Variants in CIB2 observed in about 807,000 individuals in gnomAD.
CIB2 encodes the protein calcium and integrin binding family member 2.
A neutral mutation model predicts 23.1 loss-of-function variants in CIB2; 19 were observed. The ratio of observed to expected loss-of-function variants is 0.82; its 90% CI spans 0.57 to 1.21. The LOEUF (loss-of-function observed/expected upper bound fraction) is 1.21, where lower values mean the gene tolerates loss of function less well. Among genes scored for constraint, CIB2 ranks in the 50% most tolerant of loss-of-function variants. The pLI, the probability that CIB2 is intolerant of heterozygous loss-of-function variation, is 0.00. For synonymous variants in CIB2, 94 were observed against 91.7 expected, an observed-to-expected ratio of 1.03 and a Z score of -0.14; for missense variants, 220 against 241.5, an observed-to-expected ratio of 0.91 and a Z score of 0.59.
In CIB2 at chr15:78,105,231, TG is replaced by T; in HGVS notation, c.*79del. 2 of 1,593,194 alleles carry T rather than the reference TG, an allele frequency of 1.3e-6. No homozygotes were observed. Among genetic ancestry groups the T allele is most frequent in the Middle Eastern group, 1.7e-4 (1 of 5,980 alleles). On this transcript the variant is annotated 3_prime_UTR_variant, in exon 6 of 6. Coordinates refer to ENST00000258930, the MANE Select transcript of CIB2 (RefSeq NM_006383.4). ...ACCCCAGAGGCTGCCACTGCTTTCCTGGGGAGCTTGGAGGCCACACCCATGT... is the reference window on the plus strand; with the variant it reads ...ACCCCAGAGGCTGCCACTGCTTTCCTGGGAGCTTGGAGGCCACACCCATGT...
chr15:78,109,360 A>G lies in CIB2; in HGVS notation c.221T>C (p.Ile74Thr). 6.2e-7 allele frequency: 1 copy of G among 1,613,806 alleles called. No individual in the cohort carries two copies. The highest frequency in any genetic ancestry group is 8.5e-7 in the Non-Finnish European group (1 of 1,179,968). Residue 74 changes from isoleucine to threonine, a missense_variant, in exon 4 of 6, where the codon ATC (isoleucine) becomes ACC (threonine). Transcript: ENST00000258930. The stretch of plus-strand genomic sequence containing the variant: ...ACCATCCTCGGAAAACGCCGCCACG[A>G]TCCTTTCTTTGAAGGGATTCTCCTG... ...ELRENPFKER[I>T]VAAFSEDGEG...
chr15:78,118,598 A>AG (rs1333722209), intron 2 of CIB2, among the ~76,000 whole-genome samples: 1 of 152,028 alleles, frequency 6.6e-6, no homozygotes, highest in East Asian at 1.9e-4. Context: ...CAAAAAAAAA[A>AG]AAAAAAAAAT....
intron 1 of CIB2, among the ~76,000 whole-genome samples, chr15:78,124,124 C>T (rs1258078669): frequency 1.3e-5 from 2 of 152,032 alleles, no homozygotes; most frequent in Non-Finnish European, 2.9e-5. Flanking sequence ...ACCCACAGGG[C>T]CACCTCGTGT....
rs949209990 is a variant in CIB2, at chr15:78,113,635, A to G, written c.87-2359T>C. On this transcript the variant is annotated intron_variant, in intron 2 of 5. Coordinates refer to ENST00000258930, the MANE Select transcript of CIB2 (RefSeq NM_006383.4). ...AAGCTCCGCCTCCCGGGTTCAGGCC[A>G]TTCTCCTGCCTCAGCCTCCTGAGTA... Among the ~76,000 whole-genome samples, 3 of 151,368 alleles carry G rather than the reference A, an allele frequency of 2.0e-5. No homozygotes were observed. The East Asian group carries it at 5.8e-4, about 29-fold the overall frequency.
chr15:78,127,577 C>A (rs1479155208), intron 1 of CIB2, among the ~76,000 whole-genome samples: 1 of 152,192 alleles, frequency 6.6e-6, no homozygotes, highest in Non-Finnish European at 1.5e-5. Flanking sequence ...GCCCTCTCCT[C>A]TTTCTCCAGG....
chr15:78,109,878 G>A (rs2074130403), intron 3 of CIB2, among the ~76,000 whole-genome samples: 1 of 151,276 alleles, frequency 6.6e-6, no homozygotes, highest in Non-Finnish European at 1.5e-5. Context: ...CTCATCTGAA[G>A]CAGAAGCAGA....
chr15:78,129,480 C>T (rs905400353), intron 1 of CIB2, among the ~76,000 whole-genome samples: 4 of 151,978 alleles, frequency 2.6e-5, no homozygotes, highest in Non-Finnish European at 4.4e-5. Flanking sequence ...CCTTTATCCA[C>T]GCTGTCCCCT....
Position 78,110,950 on chromosome 15 carries a change from T to C in CIB2, c.198+215A>G, listed in dbSNP as rs2304829. 0.33 allele frequency among the ~76,000 whole-genome samples: 50,648 copies of C among 152,020 alleles called. 8,735 individuals are homozygous for C. The highest frequency in any genetic ancestry group is 0.43 in the African/African-American group (17,946 of 41,426). ...TGAGCACAAGCCCATGGCCTGCAGTTGGGTGGCCACTGATGTACAGCACCC... is the reference window on the plus strand; with the variant it reads ...TGAGCACAAGCCCATGGCCTGCAGTCGGGTGGCCACTGATGTACAGCACCC... On this transcript the variant is annotated intron_variant, in intron 3 of 5. Transcript: ENST00000258930.
chr15:78,129,451 GC>G (rs1306404097), intron 1 of CIB2, among the ~76,000 whole-genome samples: 1 of 152,090 alleles, frequency 6.6e-6, no homozygotes, highest in Non-Finnish European at 1.5e-5. Context: ...TTGCCTGCTT[GC>G]CCCTGCCCAC....
At chr15:78,112,445 T>C (rs2141893624) in intron 2 of CIB2, among the ~76,000 whole-genome samples, 1 of 152,232 alleles carries the variant, frequency 6.6e-6, no homozygotes, top group Middle Eastern at 3.4e-3. Context: ...GGCTCAGTCA[T>C]AGCTACTTGG....
chr15:78,129,385 A>T (rs184926652), intron 1 of CIB2, among the ~76,000 whole-genome samples: 1 of 152,200 alleles, frequency 6.6e-6, no homozygotes, highest in Non-Finnish European at 1.5e-5. Flanking sequence ...GGCTGGTTGG[A>T]GTGGGAACCT....
At chr15:78,108,235 A>C (rs1335507934) in intron 4 of CIB2, among the ~76,000 whole-genome samples, 1 of 151,804 alleles carries the variant, frequency 6.6e-6, no homozygotes, top group Non-Finnish European at 1.5e-5. Context: ...GAAAAGAAAA[A>C]AGAAAGCAAA....
Position 78,104,903 on chromosome 15 carries a change from A to T in CIB2, c.*408T>A. 1 of 177,684 alleles carries T rather than the reference A, an allele frequency of 5.6e-6. No homozygotes were observed. Among genetic ancestry groups the T allele is most frequent in the Non-Finnish European group, 1.2e-5 (1 of 84,212 alleles). The allele number at this position is 177,684 out of a possible 1,614,324, so 11.0% of individuals were successfully genotyped here. ...GATTGCATAGCTCGTTAAAACCCTG[A>T]CCTCTTTTTTTTTTTTCCGCTCTGT... is the stretch of plus-strand genomic sequence containing the variant. On this transcript the variant is annotated 3_prime_UTR_variant, in exon 6 of 6. Transcript: ENST00000258930. The surrounding 1 kb of genome is among the most constrained non-coding windows in gnomAD (Gnocchi z 4.4).
At chr15:78,121,623 G>A (rs571743375) in intron 2 of CIB2, among the ~76,000 whole-genome samples, 1 of 152,296 alleles carries the variant, frequency 6.6e-6, no homozygotes, top group East Asian at 1.9e-4. Flanking sequence ...TTTATAAGGG[G>A]CTTCTCCCCC....
chr15:78,106,318 T>C (rs756839407), intron 4 of CIB2, among the ~76,000 whole-genome samples: 21 of 152,212 alleles, frequency 1.4e-4, no homozygotes, highest in Non-Finnish European at 2.5e-4. Flanking sequence ...AAAAAGGCCA[T>C]GCGATTGAAT....
intron 2 of CIB2, chr15:78,120,652 T>C (rs2074304981): frequency 2.0e-6 from 2 of 984,316 alleles, no homozygotes; most frequent in Non-Finnish European, 2.4e-6. Flanking sequence ...TGGGGAGCAA[T>C]CGGATCTACC....
In CIB2 at chr15:78,105,191, A is replaced by G; in HGVS notation, c.*120T>C. 2 of 1,336,764 alleles carry G rather than the reference A, an allele frequency of 1.5e-6. No individual in the cohort carries two copies. The highest frequency in any genetic ancestry group is 2.1e-6 in the Non-Finnish European group (2 of 952,350). 82.8% of individuals were successfully genotyped at this position (1,336,764 alleles called of 1,614,324 possible). ...TTTTTTGCTGAAAGGGCCACAGGAT[A>G]TATTTGTGGTGTAAACCCCAGAGGC... On this transcript the variant is annotated 3_prime_UTR_variant, in exon 6 of 6. Transcript: ENST00000258930.
chr15:78,129,423 C>T (rs1229055597), intron 1 of CIB2, among the ~76,000 whole-genome samples: 3 of 152,148 alleles, frequency 2.0e-5, no homozygotes, highest in African/African-American at 7.2e-5. Flanking sequence ...GAAGCTACTC[C>T]TCACTTCTGA....
intron 2 of CIB2, among the ~76,000 whole-genome samples, chr15:78,118,545 C>T (rs933611626): frequency 1.2e-4 from 17 of 147,306 alleles, no homozygotes; most frequent in East Asian, 6.0e-4. Context: ...GCCGAGATCG[C>T]GCCATTGCAC....
Sources: allele counts gnomAD v4.1 joint callset (sites outside exome capture counted in the v4.1 genomes callset), GRCh38; gene constraint gnomAD v4.1.1; non-coding constraint Gnocchi (gnomAD v3.1); transcripts MANE v1.5; gene names NCBI Gene and HGNC (gene_info 2026-07-23, HGNC 2026-07-21).